Variants in HDAC9 observed in about 807,000 individuals in gnomAD.
HDAC9 encodes MEF-2 interacting transcription repressor (MITR) protein.
Under a neutral mutation model 139.4 loss-of-function variants are expected in HDAC9, and 41 were observed. The observed-to-expected ratio is 0.29, with a 90% CI of 0.23 to 0.38. The LOEUF (loss-of-function observed/expected upper bound fraction) is 0.38. Ranked by LOEUF, HDAC9 falls within the 10% of genes least tolerant of loss-of-function variation. The pLI, the probability that HDAC9 is intolerant of heterozygous loss-of-function variation, is 1.00. For missense variants in HDAC9, 1,147 were observed against 1,297.0 expected, an observed-to-expected ratio of 0.88 and a Z score of 1.78; for synonymous variants, 517 against 476.2, an observed-to-expected ratio of 1.09 and a Z score of -1.12.
intron 22 of HDAC9, among the ~76,000 whole-genome samples, chr7:18,922,569 C>T (rs940511384): frequency 1.3e-5 from 2 of 152,144 alleles, no homozygotes; most frequent in East Asian, 1.9e-4. Flanking sequence ...ATGAGGCTCA[C>T]AAATCTGCAT....
intron 1 of HDAC9, among the ~76,000 whole-genome samples, chr7:18,112,126 T>G (rs1783657582): frequency 6.6e-6 from 1 of 152,244 alleles, no homozygotes; most frequent in Non-Finnish European, 1.5e-5. Context: ...ATCTATGCTC[T>G]TAAGGTTATT....
chr7:18,155,766 G>T (rs11978772), intron 1 of HDAC9, among the ~76,000 whole-genome samples: 2,068 of 152,244 alleles, frequency 0.014, 46 homozygotes, highest in African/African-American at 0.047. Flanking sequence ...CAAACCTTTG[G>T]CAGTGCAGGT....
chr7:18,707,716 T>C (rs1784036514), intron 12 of HDAC9, among the ~76,000 whole-genome samples: 1 of 151,974 alleles, frequency 6.6e-6, no homozygotes, highest in Non-Finnish European at 1.5e-5. Context: ...TCTTTGTAAA[T>C]TAATCTCCAA....
intron 2 of HDAC9, among the ~76,000 whole-genome samples, chr7:18,500,372 C>A (rs1004026640): frequency 6.6e-6 from 1 of 152,122 alleles, no homozygotes; most frequent in Non-Finnish European, 1.5e-5. Context: ...TACCTTCCAT[C>A]CCTGTCACCC....
chr7:18,706,837 T>C (rs754746387), intron 12 of HDAC9, among the ~76,000 whole-genome samples: 32 of 152,292 alleles, frequency 2.1e-4, no homozygotes, highest in Non-Finnish European at 2.4e-4. Context: ...AATCAACCGA[T>C]GACAGCTTAA....
chr7:18,716,137 C>A (rs935613046), intron 12 of HDAC9, among the ~76,000 whole-genome samples: 30 of 152,194 alleles, frequency 2.0e-4, no homozygotes, highest in African/African-American at 6.5e-4. Flanking sequence ...TCTCTTCAGG[C>A]TATTATCTCT....
At chr7:18,359,072 G>A (rs1406285562) in intron 1 of HDAC9, among the ~76,000 whole-genome samples, 1 of 152,188 alleles carries the variant, frequency 6.6e-6, no homozygotes, top group African/African-American at 2.4e-5. Context: ...TTGGGGCAGT[G>A]AGGCCGGGCA....
chr7:18,919,171 T>C (rs577178600), intron 22 of HDAC9, among the ~76,000 whole-genome samples: 6 of 152,184 alleles, frequency 3.9e-5, no homozygotes, highest in African/African-American at 1.4e-4. Context: ...GAAGGGCGCT[T>C]ATGTATCATT....
At chr7:18,420,826 T>G (rs1048953875) in intron 1 of HDAC9, among the ~76,000 whole-genome samples, 1 of 152,176 alleles carries the variant, frequency 6.6e-6, no homozygotes, top group African/African-American at 2.4e-5. Flanking sequence ...AGCAATTAAG[T>G]GTGCTTGGAC....
intron 12 of HDAC9, among the ~76,000 whole-genome samples, chr7:18,709,492 T>C (rs984811597): frequency 6.6e-6 from 1 of 152,040 alleles, no homozygotes; most frequent in African/African-American, 2.4e-5. Context: ...ATTGGCAAAA[T>C]GGGTTAAATT....
chr7:18,347,898 A>G (rs996865874), intron 1 of HDAC9, among the ~76,000 whole-genome samples: 6 of 152,142 alleles, frequency 3.9e-5, no homozygotes, highest in African/African-American at 1.4e-4. Context: ...TTTAATCTGT[A>G]TCTCAGTGCC....
At chr7:18,908,171 C>T (rs1408857910) in intron 22 of HDAC9, among the ~76,000 whole-genome samples, 4 of 151,924 alleles carry the variant, frequency 2.6e-5, no homozygotes, top group East Asian at 3.9e-4. Flanking sequence ...AATATAGAAG[C>T]TCCCAGCCAC....
In HDAC9 at chr7:18,336,192, A is replaced by G. The variant is rs1180947133; in HGVS notation, c.-42+45677A>G. On this transcript the variant is annotated intron_variant, in intron 1 of 3. Coordinates refer to the HDAC9 transcript ENST00000413509. ...TTTACAAGATAGAAATTAATAGCAC[A>G]TAGCATATCTTGTATCAGGTCAAAC... Among the ~76,000 whole-genome samples the G allele has an allele frequency of 7.3e-5, 11 of 151,628 alleles. No homozygotes were observed. In the East Asian group the frequency reaches 1.7e-3, roughly 24 times the overall value.
At chr7:18,684,781 T>A (rs1466757296) in intron 12 of HDAC9, among the ~76,000 whole-genome samples, 1 of 151,978 alleles carries the variant, frequency 6.6e-6, no homozygotes, top group African/African-American at 2.4e-5. Context: ...TATATTTATA[T>A]GTATATGTAT....
rs1000530759 is a variant in HDAC9, at chr7:18,417,991, G to A, written c.-41-78271G>A. On this transcript the variant is annotated intron_variant, in intron 1 of 3. Coordinates refer to the HDAC9 transcript ENST00000413509. ...TCAAGTCTGGATGGATGTCCACCAC[G>A]CTCCCCCGGACTCTCCCTCCCTATG... Among the ~76,000 whole-genome samples the A allele has an allele frequency of 3.9e-5, 6 of 152,120 alleles. No individual in the cohort carries two copies. In the South Asian group the frequency reaches 8.3e-4, roughly 21 times the overall value.
intron 21 of HDAC9, among the ~76,000 whole-genome samples, chr7:18,858,954 T>G (rs1797888451): frequency 6.6e-6 from 1 of 152,174 alleles, no homozygotes. Context: ...ATCAGAGCAC[T>G]TAGAAACACT....
At chr7:18,140,496 C>T (rs1397373816) in intron 1 of HDAC9, among the ~76,000 whole-genome samples, 1 of 152,082 alleles carries the variant, frequency 6.6e-6, no homozygotes, top group East Asian at 1.9e-4. Flanking sequence ...TATTATTTTA[C>T]TTCAAATAAG....
At chr7:18,524,562 TTAAATC>T (rs1806182468) in intron 2 of HDAC9, among the ~76,000 whole-genome samples, 1 of 152,162 alleles carries the variant, frequency 6.6e-6, no homozygotes, top group East Asian at 1.9e-4. Flanking sequence ...TGCAAGATAT[TTAAATC>T]TAACACCAAT....
In HDAC9 at chr7:18,835,941, C is replaced by T. The variant is rs369929621; in HGVS notation, c.2628C>T (p.Ala876=). The part of the protein sequence containing the change: ...GLGEGYNINI[A]WTGGLDPPMG... Reference sequence around the variant, plus strand: ...GAGAAGGGTACAATATAAATATTGCCTGGACAGGTGGCCTTGATCCTCCCA... The same window carrying T: ...GAGAAGGGTACAATATAAATATTGCTTGGACAGGTGGCCTTGATCCTCCCA... Residue 876 remains alanine (A), a synonymous_variant, in exon 21 of 26, where the codon GCC becomes GCT. Coordinates refer to ENST00000686413, the MANE Select transcript of HDAC9 (RefSeq NM_178425.4). 1.2e-5 allele frequency: 19 copies of T among 1,564,878 alleles called. No individual in the cohort carries two copies. The African/African-American group carries it at 2.4e-4, about 20-fold the overall frequency.
Sources: allele counts gnomAD v4.1 joint callset (sites outside exome capture counted in the v4.1 genomes callset), GRCh38; gene constraint gnomAD v4.1.1; transcripts MANE v1.5; gene names NCBI Gene and HGNC (gene_info 2026-07-23, HGNC 2026-07-21).